VKORC1L1: variants seen among roughly 807,000 people sequenced by gnomAD.
VKORC1L1 encodes vitamin K epoxide reductase complex subunit 1-like protein 1.
VKORC1L1 carries 2 observed loss-of-function variants against 18.9 expected under a neutral mutation model. The ratio of observed to expected loss-of-function variants is 0.11; its 90% confidence interval spans 0.04 to 0.33. The LOEUF (loss-of-function observed/expected upper bound fraction) is 0.33. Ranked by LOEUF, VKORC1L1 falls within the 10% of genes least tolerant of loss-of-function variation. The pLI is 1.00. For synonymous variants in VKORC1L1, 96 were observed against 100.0 expected (o/e 0.96, Z 0.24); for missense variants, 123 against 224.1 (o/e 0.55, Z 2.88).
At chr7:65,909,387 A>C (rs1412918852) in intron 1 of VKORC1L1, among the ~76,000 whole-genome samples, 1 of 152,100 alleles carries the variant, frequency 6.6e-6, no homozygotes, top group East Asian at 1.9e-4. Context: ...CGTGATGGGA[A>C]TGGAAGAAGA....
At chr7:65,938,190 C>T (rs1413625256) in intron 1 of VKORC1L1, among the ~76,000 whole-genome samples, 2 of 151,382 alleles carry the variant, frequency 1.3e-5, no homozygotes, top group Non-Finnish European at 2.9e-5. Context: ...AGCGAGACTC[C>T]GTCTCAAAAA....
At chr7:65,898,818 G>A (rs375267346) in intron 1 of VKORC1L1, among the ~76,000 whole-genome samples, 2 of 152,060 alleles carry the variant, frequency 1.3e-5, no homozygotes, top group Non-Finnish European at 2.9e-5. Context: ...CATTAAACAA[G>A]TACTTAATAC....
At chr7:65,873,657 G>A (rs1788771382) in intron 1 of VKORC1L1, 92 bp downstream of exon 1, 1 of 1,279,194 alleles carries the variant, frequency 7.8e-7, no homozygotes. Context: ...CTCAGGCCTG[G>A]GGGCGGCGGG....
rs1790268711 is a variant in VKORC1L1, at chr7:65,954,823, CT to C, written c.*524del. Reference sequence around the variant, plus strand: ...AAAGGTAGAAATATTAGATCCATTTCTGCAGAACTTACTGTACAGTTTAGTT... The same window carrying C: ...AAAGGTAGAAATATTAGATCCATTTCGCAGAACTTACTGTACAGTTTAGTT... On this transcript the variant is annotated 3_prime_UTR_variant, in exon 3 of 3. Transcript: ENST00000360768. 6.2e-6 allele frequency: 1 copy of C among 161,114 alleles called. No individual in the cohort carries two copies. The highest frequency in any genetic ancestry group is 2.4e-5 in the African/African-American group (1 of 41,488). The allele number at this position is 161,114 out of a possible 1,614,324, so 10.0% of individuals were successfully genotyped here. A position where few individuals can be genotyped will look rare whatever the true frequency, so the allele number is the denominator to read the frequency against.
At chr7:65,902,747 A>G (rs1789339404) in intron 1 of VKORC1L1, among the ~76,000 whole-genome samples, 1 of 152,216 alleles carries the variant, frequency 6.6e-6, no homozygotes, top group African/African-American at 2.4e-5. Flanking sequence ...GAAAGCAGGC[A>G]GAGAAAAAAT....
chr7:65,913,900 GCCT>G, intron 1 of VKORC1L1, among the ~76,000 whole-genome samples: 1 of 151,998 alleles, frequency 6.6e-6, no homozygotes, highest in Middle Eastern at 3.4e-3. Context: ...AACTTTTAGG[GCCT>G]CCCTCCAGTA....
chr7:65,902,595 A>C, intron 1 of VKORC1L1, among the ~76,000 whole-genome samples: 1 of 152,328 alleles, frequency 6.6e-6, no homozygotes, highest in South Asian at 2.1e-4. Flanking sequence ...ATTGTAAAAA[A>C]TAATGACAAG....
chr7:65,896,490 C>T (rs1789214300), intron 1 of VKORC1L1, among the ~76,000 whole-genome samples: 1 of 152,006 alleles, frequency 6.6e-6, no homozygotes, highest in Non-Finnish European at 1.5e-5. Flanking sequence ...CAACAGCTTA[C>T]CCTCCTACCA....
intron 1 of VKORC1L1, among the ~76,000 whole-genome samples, chr7:65,947,301 A>G (rs909430907): frequency 5.3e-5 from 8 of 151,926 alleles, no homozygotes; most frequent in South Asian, 2.1e-4. Flanking sequence ...CTATTAAACT[A>G]TTGTGGCCTG....
chr7:65,867,775 C>G, the VKORC1L1 span, among the ~76,000 whole-genome samples: 1 of 152,116 alleles, frequency 6.6e-6, no homozygotes, highest in African/African-American at 2.4e-5. Context: ...AGTCACAGAC[C>G]TTCTTGAATT....
Position 65,923,644 on chromosome 7 carries a change from G to A in VKORC1L1, c.195-25027G>A, listed in dbSNP as rs759660178. Reference sequence around the variant, plus strand: ...AAACTCCTGACAGCAAAAATGAAAAGGAAGGACGGTATTTTCCTTCCTGGC... The same window carrying A: ...AAACTCCTGACAGCAAAAATGAAAAAGAAGGACGGTATTTTCCTTCCTGGC... On this transcript the variant is annotated intron_variant, in intron 1 of 2. Transcript: ENST00000360768. Among the ~76,000 whole-genome samples, 7 of 152,262 alleles carry A rather than the reference G, an allele frequency of 4.6e-5. No homozygotes were observed. In the South Asian group the frequency reaches 1.2e-3, roughly 27 times the overall value.
At chr7:65,944,486 G>GT (rs1008633530) in intron 1 of VKORC1L1, among the ~76,000 whole-genome samples, 19 of 151,764 alleles carry the variant, frequency 1.3e-4, no homozygotes, top group Non-Finnish European at 2.2e-4. Context: ...GGTTTTTTTT[G>GT]TTTTTTTGTA....
chr7:65,943,198 A>C (rs1790064805), intron 1 of VKORC1L1, among the ~76,000 whole-genome samples: 1 of 152,130 alleles, frequency 6.6e-6, no homozygotes. Flanking sequence ...CAGGAGTTCG[A>C]GACGAGCCTG....
chr7:65,910,453 C>A (rs535201208), intron 1 of VKORC1L1, among the ~76,000 whole-genome samples: 1 of 152,334 alleles, frequency 6.6e-6, no homozygotes, highest in South Asian at 2.1e-4. Context: ...GTTTTCTTGT[C>A]ATTGCAGCTG....
chr7:65,886,796 C>T (rs1789019648), intron 1 of VKORC1L1, among the ~76,000 whole-genome samples: 1 of 147,882 alleles, frequency 6.8e-6, no homozygotes, highest in Non-Finnish European at 1.5e-5. Context: ...CTTGGCCTCC[C>T]AGAGTGCTGG....
At chr7:65,874,686 G>A (rs1255366438) in intron 1 of VKORC1L1, among the ~76,000 whole-genome samples, 1 of 151,962 alleles carries the variant, frequency 6.6e-6, no homozygotes, top group Non-Finnish European at 1.5e-5. Context: ...TGTGCCTATA[G>A]TCCCAGCTAC....
At chr7:65,951,281 A>C (rs1790208037) in intron 2 of VKORC1L1, among the ~76,000 whole-genome samples, 1 of 152,188 alleles carries the variant, frequency 6.6e-6, no homozygotes, top group South Asian at 2.1e-4. Flanking sequence ...GTGGTTCAAA[A>C]GTTTTTAAAA....
intron 1 of VKORC1L1, among the ~76,000 whole-genome samples, chr7:65,928,655 G>T (rs1292947696): frequency 6.6e-6 from 1 of 152,218 alleles, no homozygotes; most frequent in Non-Finnish European, 1.5e-5. Context: ...AAGGACAATT[G>T]TGTTGCTTAC....
At chr7:65,953,993 C>G (rs1301396644) in intron 2 of VKORC1L1, 81 bp from the exon 3 acceptor site, 1 of 1,262,332 alleles carries the variant, frequency 7.9e-7, no homozygotes, top group Non-Finnish European at 1.1e-6. Context: ...TGCAGCAAGT[C>G]ACACAGTGTT....
Sources: allele counts gnomAD v4.1 joint callset (sites outside exome capture counted in the v4.1 genomes callset), GRCh38; gene constraint gnomAD v4.1.1; transcripts MANE v1.5; gene names NCBI Gene and HGNC (gene_info 2026-07-23, HGNC 2026-07-21).